GPC5: variants seen among roughly 807,000 people sequenced by gnomAD.
GPC5 encodes the protein glypican 5, also known as glypican-5.
Under a neutral mutation model 53.9 loss-of-function variants are expected in GPC5, and 47 were observed. The observed-to-expected ratio is 0.87, with a 90% CI of 0.69 to 1.11. The LOEUF is 1.11. Among genes scored for constraint, GPC5 ranks in the 50% most tolerant of loss-of-function variants. The pLI, the probability that GPC5 is intolerant of heterozygous loss-of-function variation, is 0.00. For synonymous variants in GPC5, 286 were observed against 263.3 expected, an observed-to-expected ratio of 1.09 and a Z score of -0.84; for missense variants, 748 against 713.1, an observed-to-expected ratio of 1.05 and a Z score of -0.56.
intron 7 of GPC5, among the ~76,000 whole-genome samples, chr13:92,594,562 A>G (rs1198418129): frequency 1.3e-5 from 2 of 152,164 alleles, no homozygotes; most frequent in African/African-American, 4.8e-5. Context: ...GAGGGTTGTG[A>G]TCCTATAGCA....
At chr13:92,371,073 C>G (rs1243761237) in intron 7 of GPC5, among the ~76,000 whole-genome samples, 3 of 152,096 alleles carry the variant, frequency 2.0e-5, no homozygotes, top group South Asian at 2.1e-4. Context: ...TTGCTTGAAC[C>G]CAGGAGGCGG....
At chr13:92,413,496 C>A (rs1876138322) in intron 7 of GPC5, among the ~76,000 whole-genome samples, 1 of 152,106 alleles carries the variant, frequency 6.6e-6, no homozygotes, top group Admixed American at 6.6e-5. Flanking sequence ...TCCATCTAAG[C>A]TTTTTTATGT....
intron 2 of GPC5, among the ~76,000 whole-genome samples, chr13:91,470,497 A>G (rs1218063011): frequency 6.6e-6 from 1 of 152,206 alleles, no homozygotes; most frequent in East Asian, 1.9e-4. Context: ...CTTTTCAGTG[A>G]AAATTTTTAT....
At chr13:92,559,673 G>C (rs909040457) in intron 7 of GPC5, among the ~76,000 whole-genome samples, 1 of 151,528 alleles carries the variant, frequency 6.6e-6, no homozygotes, top group Non-Finnish European at 1.5e-5. Context: ...TAGCTAGTCC[G>C]AAACTGGCCA....
chr13:92,382,413 T>A (rs80304731), intron 7 of GPC5, among the ~76,000 whole-genome samples: 1 of 152,134 alleles, frequency 6.6e-6, no homozygotes, highest in Non-Finnish European at 1.5e-5. Flanking sequence ...TGTTCTATAA[T>A]GTGAATGGGG....
At chr13:92,444,439 C>T (rs988140702) in intron 7 of GPC5, among the ~76,000 whole-genome samples, 1 of 152,088 alleles carries the variant, frequency 6.6e-6, no homozygotes, top group Admixed American at 6.6e-5. Flanking sequence ...TTCAGGGTCT[C>T]AATTAGATCA....
At chr13:92,031,279 G>C (rs1197723224) in intron 6 of GPC5, among the ~76,000 whole-genome samples, 1 of 151,982 alleles carries the variant, frequency 6.6e-6, no homozygotes, top group Non-Finnish European at 1.5e-5. Flanking sequence ...TCCTGTCTTT[G>C]AATACCAAAC....
intron 2 of GPC5, among the ~76,000 whole-genome samples, chr13:91,503,076 A>C (rs1356277103): frequency 6.6e-6 from 1 of 152,114 alleles, no homozygotes; most frequent in Non-Finnish European, 1.5e-5. Flanking sequence ...AGTGGAGATA[A>C]CTTAGAAAAA....
chr13:92,814,609 C>T (rs920559736), intron 7 of GPC5, among the ~76,000 whole-genome samples: 9 of 150,426 alleles, frequency 6.0e-5, no homozygotes, highest in Non-Finnish European at 1.3e-4. Flanking sequence ...TGCAGTGAGC[C>T]GAGATCGTGC....
chr13:91,672,474 A>G (rs1001206071), intron 2 of GPC5, among the ~76,000 whole-genome samples: 2 of 151,772 alleles, frequency 1.3e-5, no homozygotes, highest in African/African-American at 4.9e-5. Flanking sequence ...GTCAACAAAC[A>G]TATGAAGAAA....
intron 7 of GPC5, among the ~76,000 whole-genome samples, chr13:92,619,166 C>A (rs1566324059): frequency 6.6e-6 from 1 of 151,884 alleles, no homozygotes; most frequent in Non-Finnish European, 1.5e-5. Context: ...AACACATTAT[C>A]ATTTATGCAT....
At chr13:92,784,568 C>T (rs1876147155) in intron 7 of GPC5, among the ~76,000 whole-genome samples, 1 of 151,814 alleles carries the variant, frequency 6.6e-6, no homozygotes, top group Non-Finnish European at 1.5e-5. Context: ...GTAATCTTTC[C>T]ATCAATATTA....
chr13:92,034,195 TAAA>T (rs2040875404), intron 6 of GPC5, among the ~76,000 whole-genome samples: 1 of 152,096 alleles, frequency 6.6e-6, no homozygotes, highest in African/African-American at 2.4e-5. Context: ...GGATGTATAA[TAAA>T]ATCAAAAGGA....
At chr13:92,065,069 A>G in intron 6 of GPC5, among the ~76,000 whole-genome samples, 1 of 152,210 alleles carries the variant, frequency 6.6e-6, no homozygotes, top group Non-Finnish European at 1.5e-5. Flanking sequence ...AGTGTTCTTA[A>G]AAATCAAGAT....
chr13:91,571,966 T>C (rs1389724656), intron 2 of GPC5, among the ~76,000 whole-genome samples: 1 of 140,368 alleles, frequency 7.1e-6, no homozygotes, highest in African/African-American at 2.8e-5. Flanking sequence ...CATATATGTA[T>C]ATATGTGTAT....
chr13:91,758,152 G>A (rs1452134570), intron 5 of GPC5, among the ~76,000 whole-genome samples: 2 of 151,972 alleles, frequency 1.3e-5, no homozygotes. Context: ...ATGTTGCAAT[G>A]TAACAATTTT....
intron 5 of GPC5, among the ~76,000 whole-genome samples, chr13:91,796,206 G>A (rs1847714): frequency 0.37 from 56,164 of 152,016 alleles, 11,975 homozygotes; most frequent in African/African-American, 0.59. Context: ...ACTAGTGTTC[G>A]GCTCCATTAG....
chr13:92,034,253 T>G (rs1484782586), intron 6 of GPC5, among the ~76,000 whole-genome samples: 3 of 152,130 alleles, frequency 2.0e-5, no homozygotes. Context: ...CTCAGCACTT[T>G]GGGAGGCTGA....
chr13:91,639,705 G>A (rs1018926272), intron 2 of GPC5, among the ~76,000 whole-genome samples: 2 of 152,178 alleles, frequency 1.3e-5, no homozygotes, highest in African/African-American at 4.8e-5. Context: ...GAAAGGGATG[G>A]TGGCCAGGCT....
Sources: gnomAD v4.1 joint callset for allele counts (sites outside exome capture counted in the v4.1 genomes callset) on GRCh38, gnomAD v4.1.1 for gene constraint, MANE v1.5 for transcripts, NCBI Gene and HGNC (gene_info 2026-07-23, HGNC 2026-07-21) for gene names.